BICD1: variants seen among roughly 807,000 people sequenced by gnomAD.
The protein encoded by BICD1 is BICD cargo adaptor 1, also known as protein bicaudal D homolog 1.
BICD1 carries 35 observed loss-of-function variants against 92.5 expected under a neutral mutation model. The ratio of observed to expected loss-of-function variants is 0.38; its 90% CI spans 0.29 to 0.50. The LOEUF (loss-of-function observed/expected upper bound fraction) is 0.50, where lower values mean the gene tolerates loss of function less well. Among genes scored for constraint, BICD1 ranks in the 20% least tolerant of loss-of-function variants. The pLI is 0.93. For synonymous variants in BICD1, 429 were observed against 465.1 expected (o/e 0.92, Z 1.00); for missense variants, 950 against 1,189.8 (o/e 0.80, Z 2.97).
At chr12:32,272,891 C>T (rs995653368) in intron 2 of BICD1, among the ~76,000 whole-genome samples, 4 of 152,070 alleles carry the variant, frequency 2.6e-5, no homozygotes, top group Non-Finnish European at 5.9e-5. Flanking sequence ...GACAGTGAAG[C>T]AGTTGTTATG....
chr12:32,164,943 G>T (rs1456884465), intron 1 of BICD1, among the ~76,000 whole-genome samples: 1 of 152,182 alleles, frequency 6.6e-6, no homozygotes, highest in African/African-American at 2.4e-5. Flanking sequence ...CACGGGTGAA[G>T]TGGCTCATCT....
intron 1 of BICD1, chr12:32,109,745 A>G (rs1328512081): frequency 1.3e-5 from 2 of 151,926 alleles, no homozygotes; most frequent in Non-Finnish European, 2.9e-5. Context: ...AGTGAGGCCT[A>G]TTATTTTTAT....
At chr12:32,314,181 GAC>G (rs1384679005) in intron 4 of BICD1, among the ~76,000 whole-genome samples, 1 of 152,142 alleles carries the variant, frequency 6.6e-6, no homozygotes, top group African/African-American at 2.4e-5. Flanking sequence ...TCAGTTGATG[GAC>G]ACTTTAGTTG....
chr12:32,231,010 G>A (rs955956089), intron 2 of BICD1, among the ~76,000 whole-genome samples: 1 of 152,106 alleles, frequency 6.6e-6, no homozygotes, highest in Admixed American at 6.6e-5. Context: ...TCCATGATTT[G>A]GAAAGTGATA....
At chr12:32,148,217 G>T (rs1056959347) in intron 1 of BICD1, among the ~76,000 whole-genome samples, 1 of 151,930 alleles carries the variant, frequency 6.6e-6, no homozygotes, top group South Asian at 2.1e-4. Flanking sequence ...CACCCTGCCT[G>T]GCTCTGTAGT....
rs1592522629 is a variant in BICD1, at chr12:32,231,908, G to T, written c.426+15449G>T. ...CAATTTCATCCATGTCCCTACAAAG[G>T]ACATGAACTCATCATTTTTTATGGC... On this transcript the variant is annotated intron_variant, in intron 2 of 9. Transcript: ENST00000652176. Among the ~76,000 whole-genome samples, 3 of 151,870 alleles carry T rather than the reference G, an allele frequency of 2.0e-5. No individual in the cohort carries two copies. The East Asian group carries it at 5.8e-4, about 30-fold the overall frequency.
chr12:32,256,216 C>A (rs1031709702), intron 2 of BICD1, among the ~76,000 whole-genome samples: 1 of 152,078 alleles, frequency 6.6e-6, no homozygotes, highest in African/African-American at 2.4e-5. Context: ...CCATGCCCAG[C>A]TAATTTTTTA....
At chr12:32,372,779 C>A (rs1244286431) in intron 9 of BICD1, among the ~76,000 whole-genome samples, 1 of 151,948 alleles carries the variant, frequency 6.6e-6, no homozygotes, top group Non-Finnish European at 1.5e-5. Context: ...CAGGAGGCTG[C>A]GGTGGGAGGA....
chr12:32,290,807 CT>C (rs1213493906), intron 2 of BICD1, among the ~76,000 whole-genome samples: 5 of 152,118 alleles, frequency 3.3e-5, no homozygotes, highest in African/African-American at 1.2e-4. Context: ...CTGTTCTTGG[CT>C]ATAAATCTTC....
chr12:32,243,264 A>ATTTTTTTTTTTTTTTTTTTTT (rs71068310), intron 2 of BICD1, among the ~76,000 whole-genome samples: 21 of 74,030 alleles, frequency 2.8e-4, no homozygotes, highest in African/African-American at 6.1e-4. Context: ...TGCCTGGCTA[A>ATTTTTTTTTTTTTTTTTTTTT]TTTTTTTTTT....
intron 1 of BICD1, among the ~76,000 whole-genome samples, chr12:32,127,696 T>A (rs1366754890): frequency 6.7e-6 from 1 of 149,802 alleles, no homozygotes; most frequent in Non-Finnish European, 1.5e-5. Flanking sequence ...TCTCAACATT[T>A]ACAAGGAAGT....
At chr12:32,305,637 G>A (rs1948190913) in intron 3 of BICD1, 60 bp from the exon 4 acceptor site, 2 of 1,478,602 alleles carry the variant, frequency 1.4e-6, no homozygotes, top group African/African-American at 2.8e-5. Flanking sequence ...AGTGTTTAAT[G>A]GCAGTTTTGT....
intron 2 of BICD1, among the ~76,000 whole-genome samples, chr12:32,287,017 A>G (rs1947588158): frequency 6.6e-6 from 1 of 152,094 alleles, no homozygotes; most frequent in African/African-American, 2.4e-5. Flanking sequence ...GAGGGGAGCT[A>G]TTTTATATTA....
chr12:32,250,909 A>G (rs1015404224), intron 2 of BICD1, among the ~76,000 whole-genome samples: 12 of 152,262 alleles, frequency 7.9e-5, no homozygotes, highest in East Asian at 1.9e-4. Context: ...CCTGAGCCCA[A>G]GGAGGTCGAG....
At chr12:32,367,013 C>T (rs325435) in intron 8 of BICD1, among the ~76,000 whole-genome samples, 19,708 of 152,174 alleles carry the variant, frequency 0.13, 1,696 homozygotes, top group African/African-American at 0.24. Context: ...AAAACAATTA[C>T]AAAGTGGAGT....
At chr12:32,190,737 A>C (rs1335739010) in intron 1 of BICD1, among the ~76,000 whole-genome samples, 1 of 152,226 alleles carries the variant, frequency 6.6e-6, no homozygotes, top group African/African-American at 2.4e-5. Flanking sequence ...AACATTATAG[A>C]CCAAGTGGAC....
chr12:32,182,278 CTTTT>C (rs759328721), intron 1 of BICD1, among the ~76,000 whole-genome samples: 8 of 81,418 alleles, frequency 9.8e-5, no homozygotes, highest in African/African-American at 1.7e-4. Context: ...TTCTTTCTTT[CTTTT>C]TTTTTTTTTT....
intron 1 of BICD1, among the ~76,000 whole-genome samples, chr12:32,197,051 C>T (rs1236963670): frequency 1.3e-5 from 2 of 150,460 alleles, no homozygotes; most frequent in Non-Finnish European, 2.9e-5. Flanking sequence ...GACAGAGTCT[C>T]AGGCTAGAGT....
chr12:32,128,741 G>C (rs964015063), intron 1 of BICD1, among the ~76,000 whole-genome samples: 1 of 141,680 alleles, frequency 7.1e-6, no homozygotes, highest in African/African-American at 2.6e-5. Context: ...GAAATGTATT[G>C]TTACTTTAGA....
Sources: gnomAD v4.1 joint callset for allele counts (sites outside exome capture counted in the v4.1 genomes callset) on GRCh38, gnomAD v4.1.1 for gene constraint, MANE v1.5 for transcripts, NCBI Gene and HGNC (gene_info 2026-07-23, HGNC 2026-07-21) for gene names.